Variants in LRGUK observed in about 807,000 individuals in gnomAD.
LRGUK encodes leucine-rich repeat and guanylate kinase domain-containing protein.
In LRGUK, 65 loss-of-function variants were observed where a neutral mutation model predicts 76.0. The ratio of observed to expected loss-of-function variants is 0.85; its 90% CI spans 0.70 to 1.05. The LOEUF (loss-of-function observed/expected upper bound fraction) is 1.05, where lower values mean the gene tolerates loss of function less well. Among genes scored for constraint, LRGUK ranks in the 50% least tolerant of loss-of-function variants. The pLI, the probability that LRGUK is intolerant of heterozygous loss-of-function variation, is 0.00. For missense variants in LRGUK, 758 were observed against 732.8 expected, an observed-to-expected ratio of 1.03 and a Z score of -0.40; for synonymous variants, 268 against 265.6, an observed-to-expected ratio of 1.01 and a Z score of -0.09.
At chr7:134,172,816 CA>C (rs1204736340) in intron 7 of LRGUK, among the ~76,000 whole-genome samples, 1 of 151,528 alleles carries the variant, frequency 6.6e-6, no homozygotes, top group Admixed American at 6.6e-5. Flanking sequence ...ACCCTGTCTC[CA>C]AAAAAATACA....
intron 4 of LRGUK, among the ~76,000 whole-genome samples, chr7:134,147,275 A>G (rs1798011875): frequency 6.6e-6 from 1 of 151,768 alleles, no homozygotes; most frequent in African/African-American, 2.4e-5. Context: ...AACAACAACA[A>G]CAACAACAAA....
the LRGUK span, among the ~76,000 whole-genome samples, chr7:134,271,176 G>A: frequency 6.6e-6 from 1 of 151,610 alleles, no homozygotes; most frequent in African/African-American, 2.4e-5. Flanking sequence ...TTTTCTTATT[G>A]GTTTGATGTA....
chr7:134,206,055 C>A (rs1019655217), intron 15 of LRGUK, among the ~76,000 whole-genome samples: 1 of 152,154 alleles, frequency 6.6e-6, no homozygotes, highest in African/African-American at 2.4e-5. Flanking sequence ...TAAAAGGAAG[C>A]GCAAGGTTTA....
At chr7:134,197,151 AGT>A in intron 13 of LRGUK, 46 bp downstream of exon 13, 1 of 1,163,528 alleles carries the variant, frequency 8.6e-7, no homozygotes, top group Non-Finnish European at 1.3e-6. Flanking sequence ...AGTTTGTGTG[AGT>A]GTGGTGTGTG....
chr7:134,241,658 T>C (rs1257696034), intron 16 of LRGUK, among the ~76,000 whole-genome samples: 1 of 152,022 alleles, frequency 6.6e-6, no homozygotes, highest in Non-Finnish European at 1.5e-5. Context: ...AGACAGAAAG[T>C]TAACAGGGAT....
chr7:134,254,184 T>G (rs1802516274), intron 18 of LRGUK, among the ~76,000 whole-genome samples: 1 of 152,202 alleles, frequency 6.6e-6, no homozygotes, highest in South Asian at 2.1e-4. Flanking sequence ...TTTTTTAAAA[T>G]TATTTTTTAA....
intron 7 of LRGUK, among the ~76,000 whole-genome samples, chr7:134,170,763 T>G (rs74303658): frequency 0.12 from 18,916 of 152,208 alleles, 1,476 homozygotes; most frequent in East Asian, 0.32. Flanking sequence ...TATTGAGAAC[T>G]CATTATATCC....
In LRGUK at chr7:134,199,316, G is replaced by T. The variant is rs768268629; in HGVS notation, c.1642G>T (p.Gly548Ter). Residue 548 changes from glycine (G) to a stop codon, truncating the protein, a stop_gained, in exon 14 of 16, where the codon GGA becomes TGA. Coordinates refer to ENST00000645682, the Ensembl canonical transcript of LRGUK. LOFTEE classifies it high-confidence loss of function. Reference sequence around the variant, plus strand: ...ATATGAGGGATATTTGCGGAGAAAAGGATTATTCAGTCGTGCAGAAATTGA... The same window carrying T: ...ATATGAGGGATATTTGCGGAGAAAATGATTATTCAGTCGTGCAGAAATTGA... The T allele has an allele frequency of 2.5e-6, 4 of 1,613,790 alleles. No individual in the cohort carries two copies. In the Admixed American group the frequency reaches 5.0e-5, roughly 20 times the overall value.
At position 134,263,615 on chromosome 7, in the gene LRGUK, A is replaced by G. The variant is rs553981408; in HGVS notation, c.2348-230A>G. Among the ~76,000 whole-genome samples the G allele has an allele frequency of 1.4e-4, 18 of 131,184 alleles. No homozygotes were observed. The East Asian group carries it at 1.5e-3, about 11-fold the overall frequency. 86.1% of individuals were successfully genotyped at this position (131,184 alleles called of 152,430 possible). ...CCACTATTATTCTTCCTTGAATGTC[A>G]TTTCTTTCTTTTTTTTTTTTTTTTT... On this transcript the variant is annotated intron_variant, in intron 19 of 19. Coordinates refer to the LRGUK transcript ENST00000285928.
chr7:134,131,678 G>T (rs1797313677), intron 1 of LRGUK, among the ~76,000 whole-genome samples: 1 of 152,192 alleles, frequency 6.6e-6, no homozygotes, highest in African/African-American at 2.4e-5. Context: ...TAGATTGGAG[G>T]ATTGTAATAC....
intron 17 of LRGUK, 28 bp from the exon 18 acceptor site, chr7:134,248,923 T>G (rs1309467765): frequency 2.1e-6 from 3 of 1,424,262 alleles, no homozygotes; most frequent in East Asian, 2.5e-5. Flanking sequence ...CCTTTGGTTT[T>G]TTTTTTTTTT....
At chr7:134,247,527 G>A in intron 16 of LRGUK, 29 bp from the exon 17 acceptor site, 1 of 1,506,640 alleles carries the variant, frequency 6.6e-7, no homozygotes, top group Non-Finnish European at 9.2e-7. Flanking sequence ...TAACATCAAT[G>A]CAATTTTCTA....
intron 7 of LRGUK, among the ~76,000 whole-genome samples, chr7:134,163,770 G>A (rs1798860088): frequency 6.6e-6 from 1 of 152,110 alleles, no homozygotes; most frequent in South Asian, 2.1e-4. Context: ...TTGTTTTTAA[G>A]GTTTAAACTG....
intron 16 of LRGUK, among the ~76,000 whole-genome samples, chr7:134,247,009 GACCATAA>G (rs760408277): frequency 2.0e-5 from 3 of 152,116 alleles, no homozygotes; most frequent in Non-Finnish European, 4.4e-5. Flanking sequence ...TTTGCCACCA[GACCATAA>G]ACCTTTTGAA....
chr7:134,273,464 A>T, the LRGUK span, among the ~76,000 whole-genome samples: 2 of 151,950 alleles, frequency 1.3e-5, no homozygotes, highest in Non-Finnish European at 2.9e-5. Flanking sequence ...TATCCATCCC[A>T]AGCCAATTAA....
chr7:134,149,780 A>G (rs1427100698), intron 5 of LRGUK, among the ~76,000 whole-genome samples: 3 of 152,216 alleles, frequency 2.0e-5, no homozygotes, highest in Admixed American at 2.0e-4. Context: ...ATAGCTGGAC[A>G]GTCCAGAAGC....
At chr7:134,246,826 T>C (rs1802313850) in intron 16 of LRGUK, among the ~76,000 whole-genome samples, 1 of 152,246 alleles carries the variant, frequency 6.6e-6, no homozygotes, top group African/African-American at 2.4e-5. Context: ...ATTTATCTTT[T>C]CTGTAAATTA....
chr7:134,197,190 T>C (rs1320014781), intron 13 of LRGUK, 85 bp downstream of exon 13: 3 of 760,094 alleles, frequency 3.9e-6, no homozygotes, highest in Non-Finnish European at 6.7e-6. Context: ...TGTGTATATA[T>C]GTATAAACTT....
intron 9 of LRGUK, 68 bp downstream of exon 9, chr7:134,177,131 T>A: frequency 1.1e-6 from 1 of 885,246 alleles, no homozygotes; most frequent in Non-Finnish European, 1.8e-6. Context: ...TCGTGTTGCC[T>A]GCTGTGGAAG....
Sources: allele counts gnomAD v4.1 joint callset (sites outside exome capture counted in the v4.1 genomes callset), GRCh38; gene constraint gnomAD v4.1.1; transcripts MANE v1.5; gene names NCBI Gene and HGNC (gene_info 2026-07-23, HGNC 2026-07-21).